Variants in STAU2 observed in about 807,000 individuals in gnomAD.
The protein encoded by STAU2 is staufen double-stranded RNA binding protein 2.
Under a neutral mutation model 65.9 loss-of-function variants are expected in STAU2, and 20 were observed. The observed-to-expected ratio is 0.30, with a 90% CI of 0.21 to 0.44. The LOEUF (loss-of-function observed/expected upper bound fraction) is 0.44. STAU2 is among the 20% of genes least tolerant of loss of function. STAU2 has a pLI of 1.00. For synonymous variants in STAU2, 232 were observed against 233.9 expected, an observed-to-expected ratio of 0.99 and a Z score of 0.07; for missense variants, 558 against 683.9, an observed-to-expected ratio of 0.82 and a Z score of 2.05.
intron 6 of STAU2, among the ~76,000 whole-genome samples, chr8:73,670,667 T>C (rs1348642255): frequency 6.6e-6 from 1 of 152,138 alleles, no homozygotes; most frequent in African/African-American, 2.4e-5. Context: ...TTTAAATGGA[T>C]ACAATTAAAG....
intron 13 of STAU2, among the ~76,000 whole-genome samples, chr8:73,422,928 G>A (rs1330398728): frequency 6.6e-6 from 1 of 152,136 alleles, no homozygotes; most frequent in Non-Finnish European, 1.5e-5. Flanking sequence ...CTTCTCCACA[G>A]TTTTGCAAAA....
chr8:73,641,134 T>C (rs1186431720), intron 6 of STAU2, among the ~76,000 whole-genome samples: 1 of 152,170 alleles, frequency 6.6e-6, no homozygotes, highest in Non-Finnish European at 1.5e-5. Context: ...TATTAAAATG[T>C]GGCCAAAAGA....
intron 3 of STAU2, among the ~76,000 whole-genome samples, chr8:73,711,472 C>A (rs1248789544): frequency 6.6e-6 from 1 of 152,090 alleles, no homozygotes; most frequent in Non-Finnish European, 1.5e-5. Flanking sequence ...TTTTGCATAA[C>A]ACAAATAGCA....
chr8:73,739,534 C>T (rs1806688107), intron 2 of STAU2, among the ~76,000 whole-genome samples: 1 of 152,064 alleles, frequency 6.6e-6, no homozygotes, highest in African/African-American at 2.4e-5. Context: ...AAACACACAC[C>T]CATATTTGGC....
chr8:73,689,265 T>C (rs1819160167), intron 4 of STAU2, among the ~76,000 whole-genome samples: 1 of 152,184 alleles, frequency 6.6e-6, no homozygotes, highest in Non-Finnish European at 1.5e-5. Context: ...TATTAAATAT[T>C]ATACTACCAA....
Position 73,688,650 on chromosome 8 carries a change from A to G in STAU2, c.274+4T>C. The G allele has an allele frequency of 6.2e-7, 1 of 1,614,084 alleles. No homozygotes were observed. The highest frequency in any genetic ancestry group is 8.5e-7 in the Non-Finnish European group (1 of 1,179,994). On this transcript the variant is annotated splice_donor_region_variant and intron_variant, in intron 5 of 14. Coordinates refer to ENST00000524300, the MANE Select transcript of STAU2 (RefSeq NM_001164380.2). ...CAACATAACAGAAGGAGTCACTGCC[A>G]TACCTGGGTTATTGTTAACATTACT...
intron 6 of STAU2, among the ~76,000 whole-genome samples, chr8:73,654,975 G>A (rs978353958): frequency 1.3e-5 from 2 of 152,104 alleles, no homozygotes; most frequent in East Asian, 1.9e-4. Context: ...GTGAGCCACC[G>A]CGCCCGGCCC....
chr8:73,603,943 C>CCCTCCA, intron 9 of STAU2, 80 bp from the exon 10 acceptor site: 2 of 1,415,792 alleles, frequency 1.4e-6, no homozygotes, highest in Non-Finnish European at 1.9e-6. Flanking sequence ...AGTGCTTCTT[C>CCCTCCA]CCTCCACCCC....
intron 6 of STAU2, among the ~76,000 whole-genome samples, chr8:73,663,721 T>G: frequency 6.9e-6 from 1 of 144,858 alleles, no homozygotes; most frequent in East Asian, 2.3e-4. Flanking sequence ...AATAATAGAG[T>G]CTTCTTTAAT....
intron 13 of STAU2, among the ~76,000 whole-genome samples, chr8:73,461,140 C>T (rs998818504): frequency 2.0e-5 from 3 of 152,172 alleles, no homozygotes; most frequent in Non-Finnish European, 4.4e-5. Context: ...GGGGAAGTTA[C>T]TTTACCCCTC....
intron 6 of STAU2, among the ~76,000 whole-genome samples, chr8:73,618,786 C>T (rs577177870): frequency 1.1e-3 from 174 of 152,234 alleles, no homozygotes; most frequent in Non-Finnish European, 1.8e-3. Context: ...ATGGAAGTAA[C>T]GAGAAGTCAT....
intron 10 of STAU2, among the ~76,000 whole-genome samples, chr8:73,597,358 T>C (rs1391277647): frequency 6.6e-6 from 1 of 151,858 alleles, no homozygotes; most frequent in Non-Finnish European, 1.5e-5. Flanking sequence ...TACAAAATAA[T>C]AAGGATTACT....
intron 12 of STAU2, among the ~76,000 whole-genome samples, chr8:73,578,992 C>T (rs984563196): frequency 2.0e-5 from 3 of 151,466 alleles, no homozygotes. Context: ...TACCCACCCC[C>T]CCAAAAAAAC....
intron 13 of STAU2, among the ~76,000 whole-genome samples, chr8:73,438,141 T>C (rs1469915889): frequency 6.6e-6 from 1 of 152,142 alleles, no homozygotes; most frequent in Non-Finnish European, 1.5e-5. Context: ...AGGACTGTGC[T>C]TATTTCCCTC....
At chr8:73,439,715 C>T (rs1278563573) in intron 13 of STAU2, 1 of 152,402 alleles carries the variant, frequency 6.6e-6, no homozygotes, top group Non-Finnish European at 1.5e-5. Flanking sequence ...TCATTCTGTT[C>T]TAAGGACTTG....
chr8:73,724,649 T>C (rs1805493044), intron 3 of STAU2, among the ~76,000 whole-genome samples: 1 of 133,990 alleles, frequency 7.5e-6, no homozygotes, highest in Admixed American at 7.8e-5. Flanking sequence ...TGATGTTCAG[T>C]AGGTTGTGTG....
At chr8:73,650,816 G>A (rs1439251394) in intron 6 of STAU2, among the ~76,000 whole-genome samples, 1 of 152,116 alleles carries the variant, frequency 6.6e-6, no homozygotes, top group Non-Finnish European at 1.5e-5. Flanking sequence ...AGTTCCAAAA[G>A]AAAGTTTCCT....
intron 13 of STAU2, among the ~76,000 whole-genome samples, chr8:73,523,672 T>C (rs1483262666): frequency 1.3e-5 from 2 of 152,134 alleles, no homozygotes; most frequent in Non-Finnish European, 2.9e-5. Context: ...ATAAATGGAA[T>C]CTATAGTATG....
intron 13 of STAU2, among the ~76,000 whole-genome samples, chr8:73,531,990 G>A (rs1479764079): frequency 6.6e-6 from 1 of 152,086 alleles, no homozygotes; most frequent in African/African-American, 2.4e-5. Context: ...AAAATCCTAA[G>A]GCCCCTGCAG....
Sources: gnomAD v4.1 joint callset for allele counts (sites outside exome capture counted in the v4.1 genomes callset) on GRCh38, gnomAD v4.1.1 for gene constraint, MANE v1.5 for transcripts, NCBI Gene and HGNC (gene_info 2026-07-23, HGNC 2026-07-21) for gene names.